Variants in SLC35D4 observed in about 807,000 individuals in gnomAD.
SLC35D4 encodes UDP-N-acetylglucosamine transporter SLC35D4.
At chr18:23,322,768 A>C in the SLC35D4 span, among the ~76,000 whole-genome samples, 1 of 152,262 alleles carries the variant, frequency 6.6e-6, no homozygotes, top group Non-Finnish European at 1.5e-5. Context: ...TAGTAATAAA[A>C]GGCGAAGTAA....
chr18:23,379,445 T>C, the SLC35D4 span, among the ~76,000 whole-genome samples: 1 of 152,108 alleles, frequency 6.6e-6, no homozygotes, highest in Non-Finnish European at 1.5e-5. Context: ...TAGAGCTAAA[T>C]GTAACCAAAA....
the SLC35D4 span, among the ~76,000 whole-genome samples, chr18:23,299,612 G>A: frequency 6.6e-6 from 1 of 152,136 alleles, no homozygotes; most frequent in Admixed American, 6.5e-5. Context: ...TTACAACCCC[G>A]CCCACGAGGC....
the SLC35D4 span, among the ~76,000 whole-genome samples, chr18:23,410,579 C>A: frequency 6.6e-6 from 1 of 151,944 alleles, no homozygotes; most frequent in Non-Finnish European, 1.5e-5. Context: ...CTGAGACGGG[C>A]AGATCACCTG....
chr18:23,317,161 A>G, the SLC35D4 span, among the ~76,000 whole-genome samples: 1 of 38,508 alleles, frequency 2.6e-5, no homozygotes, highest in East Asian at 5.8e-4. Flanking sequence ...AGTTACACAC[A>G]CACACACACA....
At chr18:23,330,547 G>A in the SLC35D4 span, among the ~76,000 whole-genome samples, 1 of 152,082 alleles carries the variant, frequency 6.6e-6, no homozygotes, top group South Asian at 2.1e-4. Context: ...CTCTGACCAG[G>A]AAACCACGCC....
At chr18:23,243,872 CAA>C in the SLC35D4 span, among the ~76,000 whole-genome samples, 248 of 109,864 alleles carry the variant, frequency 2.3e-3, 3 homozygotes, top group East Asian at 0.014. Context: ...GACTCCGTTT[CAA>C]AAAAAAAAAA....
chr18:23,396,738 AC>A, the SLC35D4 span, among the ~76,000 whole-genome samples: 1 of 151,780 alleles, frequency 6.6e-6, no homozygotes, highest in Non-Finnish European at 1.5e-5. Flanking sequence ...ACACAGTGAG[AC>A]CCCCATCTCT....
At chr18:23,334,562 T>C in the SLC35D4 span, among the ~76,000 whole-genome samples, 5 of 152,252 alleles carry the variant, frequency 3.3e-5, no homozygotes, top group Non-Finnish European at 7.3e-5. Flanking sequence ...TTTGGAGTCC[T>C]ATAAACAAGC....
chr18:23,371,935 G>GTTTTT, the SLC35D4 span, among the ~76,000 whole-genome samples: 19 of 35,476 alleles, frequency 5.4e-4, 3 homozygotes, highest in African/African-American at 2.0e-3. Flanking sequence ...TGTTTTTTTT[G>GTTTTT]TTTTTTTTTT....
chr18:23,405,971 T>C, the SLC35D4 span, among the ~76,000 whole-genome samples: 7 of 152,306 alleles, frequency 4.6e-5, no homozygotes, highest in Admixed American at 4.6e-4. Flanking sequence ...GAGCTACAAG[T>C]GTAGTGCTTC....
chr18:23,401,534 G>A, the SLC35D4 span, among the ~76,000 whole-genome samples: 4 of 152,218 alleles, frequency 2.6e-5, no homozygotes, highest in African/African-American at 7.2e-5. Flanking sequence ...TCTAGGAAGT[G>A]GCTTTTCCCA....
chr18:23,396,722 T>C, the SLC35D4 span, among the ~76,000 whole-genome samples: 1 of 152,076 alleles, frequency 6.6e-6, no homozygotes, highest in Non-Finnish European at 1.5e-5. Context: ...GAGGCCAGCA[T>C]GGGCAACACA....
chr18:23,301,075 G>T, the SLC35D4 span, among the ~76,000 whole-genome samples: 3 of 152,184 alleles, frequency 2.0e-5, no homozygotes, highest in African/African-American at 7.2e-5. Flanking sequence ...TCCCCTTTCT[G>T]CCACCTATGT....
chr18:23,256,855 G>GTGGA, the SLC35D4 span, among the ~76,000 whole-genome samples: 2 of 152,224 alleles, frequency 1.3e-5, no homozygotes, highest in Non-Finnish European at 2.9e-5. Context: ...CCCAGTTAGG[G>GTGGA]TGGACTCTTA....
the SLC35D4 span, among the ~76,000 whole-genome samples, chr18:23,401,317 T>C: frequency 6.6e-6 from 1 of 152,194 alleles, no homozygotes. Context: ...ACGGACCTCA[T>C]AATCTAATGG....
the SLC35D4 span, among the ~76,000 whole-genome samples, chr18:23,354,415 G>C: frequency 2.6e-5 from 4 of 151,496 alleles, no homozygotes; most frequent in Non-Finnish European, 5.9e-5. Flanking sequence ...CAGCTACTCG[G>C]GAGGCTGAGG....
chr18:23,358,242 C>A, the SLC35D4 span, among the ~76,000 whole-genome samples: 1 of 152,136 alleles, frequency 6.6e-6, no homozygotes, highest in African/African-American at 2.4e-5. Flanking sequence ...TAATGAGGAA[C>A]GGCGGAGAGG....
chr18:23,320,944 C>T, the SLC35D4 span, among the ~76,000 whole-genome samples: 2 of 152,202 alleles, frequency 1.3e-5, no homozygotes, highest in Non-Finnish European at 2.9e-5. Flanking sequence ...CAGCCTCCTG[C>T]ACCACCCCAG....
At chr18:23,320,941 C>T in the SLC35D4 span, among the ~76,000 whole-genome samples, 1 of 152,234 alleles carries the variant, frequency 6.6e-6, no homozygotes, top group African/African-American at 2.4e-5. Flanking sequence ...CTGCAGCCTC[C>T]TGCACCACCC....
Sources: gnomAD v4.1 joint callset for allele counts (sites outside exome capture counted in the v4.1 genomes callset) on GRCh38, gnomAD v4.1.1 for gene constraint, MANE v1.5 for transcripts, NCBI Gene and HGNC (gene_info 2026-07-23, HGNC 2026-07-21) for gene names.